TP53BP2: variants seen among roughly 807,000 people sequenced by gnomAD.
The protein encoded by TP53BP2 is apoptosis-stimulating of p53 protein 2.
TP53BP2 carries 62 observed loss-of-function variants against 126.2 expected under a neutral mutation model. The observed-to-expected ratio is 0.49, with a 90% CI of 0.40 to 0.61. The LOEUF (loss-of-function observed/expected upper bound fraction) is 0.61. Among genes scored for constraint, TP53BP2 ranks in the 20% least tolerant of loss-of-function variants. TP53BP2 has a pLI of 0.00. For synonymous variants in TP53BP2, 485 were observed against 502.9 expected (o/e 0.96, Z 0.48); for missense variants, 1,215 against 1,402.8 (o/e 0.87, Z 2.14).
At chr1:223,803,644 T>C (rs1463933651) in intron 6 of TP53BP2, among the ~76,000 whole-genome samples, 192 bp from the exon 7 acceptor site, 2 of 152,228 alleles carry the variant, frequency 1.3e-5, no homozygotes, top group South Asian at 2.1e-4. Context: ...TGTGCTTCAA[T>C]ATCAATGTAT....
chr1:223,840,568 T>A (rs1454967307), intron 1 of TP53BP2, among the ~76,000 whole-genome samples: 7 of 152,190 alleles, frequency 4.6e-5, no homozygotes, highest in African/African-American at 1.7e-4. Flanking sequence ...TAACATGAGC[T>A]TCAAGAATAC....
In TP53BP2 at chr1:223,831,477, AAAAATATATATATATATATAT is replaced by A. The variant is rs1367223728; in HGVS notation, c.28-10131_28-10111del. Among the ~76,000 whole-genome samples, 32 of 42,006 alleles carry A rather than the reference AAAAATATATATATATATATAT, an allele frequency of 7.6e-4. 1 individual carries two copies. In the South Asian group the frequency reaches 0.019, roughly 25 times the overall value. The allele number at this position is 42,006 out of a possible 152,430, so 27.6% of individuals were successfully genotyped here. On this transcript the variant is annotated intron_variant, in intron 1 of 17. Coordinates refer to ENST00000343537, the MANE Select transcript of TP53BP2 (RefSeq NM_001031685.3). ...ACATATGTACCATCTAAAAAAAAAA[AAAAATATATATATATATATAT>A]ATATATATATATATATATACTGACC...
Position 223,810,481 on chromosome 1 carries a change from T to C in TP53BP2, c.322A>G (p.Lys108Glu), listed in dbSNP as rs1156872238. 19 of 1,609,096 alleles carry C rather than the reference T, an allele frequency of 1.2e-5. No homozygotes were observed. Among genetic ancestry groups the C allele is most frequent in the East Asian group, 8.9e-5 (4 of 44,724 alleles). ...CCAGGAACTTTTACACCATTTCTTT[T>C]TAAACTTGGATCCTGAGATCTTGGT... ...SGPRSQDPSL[K>E]RNGVKVPGEY... Residue 108 changes from lysine to glutamate, a missense_variant, in exon 4 of 18, where the codon AAA (lysine) becomes GAA (glutamate). Lys to Glu is a moderately conservative substitution (Grantham distance 56). Transcript: ENST00000343537.
chr1:223,800,671 T>A (rs1172858382), intron 10 of TP53BP2, 29 bp downstream of exon 10: 1 of 1,517,436 alleles, frequency 6.6e-7, no homozygotes, highest in African/African-American at 1.4e-5. Flanking sequence ...CAAAATTTAA[T>A]GTTCAAGAGT....
intron 15 of TP53BP2, 85 bp downstream of exon 15, chr1:223,792,300 CTTCT>C (rs963759681): frequency 2.8e-6 from 4 of 1,435,366 alleles, no homozygotes; most frequent in South Asian, 2.7e-5. Context: ...AACTGACATA[CTTCT>C]TTGTCTTCCA....
intron 1 of TP53BP2, 121 bp downstream of exon 1, chr1:223,845,533 C>T (rs1664238693): frequency 3.6e-6 from 4 of 1,118,920 alleles, no homozygotes; most frequent in African/African-American, 3.3e-5. Flanking sequence ...AAGCCCCGGC[C>T]CCTCCGCGCG....
intron 2 of TP53BP2, among the ~76,000 whole-genome samples, chr1:223,816,515 A>G (rs1202055432): frequency 6.6e-6 from 1 of 152,228 alleles, no homozygotes; most frequent in African/African-American, 2.4e-5. Flanking sequence ...CAAAGAATAT[A>G]AAGAAACAAT....
intron 16 of TP53BP2, 131 bp downstream of exon 16, chr1:223,788,877 G>GT: frequency 1.2e-6 from 1 of 865,702 alleles, no homozygotes; most frequent in Non-Finnish European, 1.8e-6. Flanking sequence ...CAAGGCTGTT[G>GT]TATTTTCAAG....
Position 223,814,236 on chromosome 1 carries a change from C to T in TP53BP2, c.289+4G>A. 1 of 1,607,872 alleles carries T rather than the reference C, an allele frequency of 6.2e-7. No individual in the cohort carries two copies. Among genetic ancestry groups the T allele is most frequent in the Non-Finnish European group, 8.5e-7 (1 of 1,174,518 alleles). On this transcript the variant is annotated splice_donor_region_variant and intron_variant, in intron 3 of 17. Transcript: ENST00000343537. ...TCTGTCACGATTCACAGAGCACTAC[C>T]TACCAATGTCCCTGCCAGGGGGGCG... is the stretch of plus-strand genomic sequence containing the variant.
rs1662326627 is a variant in TP53BP2, at chr1:223,796,486, C to T, written c.2053G>A (p.Glu685Lys). Residue 685 changes from glutamate (E) to lysine (K), a missense_variant, in exon 13 of 18, where the codon GAG becomes AAG. Coordinates refer to ENST00000343537, the MANE Select transcript of TP53BP2 (RefSeq NM_001031685.3). This position sits in a 1 kb window ranked among gnomAD's most constrained non-coding sequence, Gnocchi z 4.2. ...GKPGSPEPET[E>K]PVSSVQENHE... ...TTCTCCTGAACTGAAGAAACAGGCT[C>T]TGTTTCAGGTTCTGGACTGCCAGGC... 6.2e-7 allele frequency: 1 copy of T among 1,614,124 alleles called. No homozygotes were observed. The highest frequency in any genetic ancestry group is 2.2e-5 in the East Asian group (1 of 44,882).
At chr1:223,809,026 C>T (rs148487580) in intron 4 of TP53BP2, among the ~76,000 whole-genome samples, 4 of 152,096 alleles carry the variant, frequency 2.6e-5, no homozygotes, top group Middle Eastern at 3.4e-3. Context: ...ATAATATGAT[C>T]GCTTTGGAAA....
chr1:223,784,425 GTTAGTAC>G (rs1661880918), intron 16 of TP53BP2, 111 bp from the exon 17 acceptor site: 1 of 927,154 alleles, frequency 1.1e-6, no homozygotes, highest in Admixed American at 2.1e-5. Flanking sequence ...AGGCTGGAAT[GTTAGTAC>G]TACATTAAAT....
At chr1:223,799,521 G>A (rs1662457071) in intron 11 of TP53BP2, among the ~76,000 whole-genome samples, 1 of 152,072 alleles carries the variant, frequency 6.6e-6, no homozygotes, top group Non-Finnish European at 1.5e-5. Context: ...ACCTAACTTG[G>A]AGCACTCACA....
chr1:223,803,877 T>C (rs1320977127), intron 6 of TP53BP2, among the ~76,000 whole-genome samples: 1 of 152,238 alleles, frequency 6.6e-6, no homozygotes, highest in Non-Finnish European at 1.5e-5. Context: ...TGCTACATTT[T>C]CCAAAGGTAT....
intron 1 of TP53BP2, among the ~76,000 whole-genome samples, chr1:223,827,473 C>G (rs1356301469): frequency 6.6e-6 from 1 of 152,128 alleles, no homozygotes; most frequent in Non-Finnish European, 1.5e-5. Context: ...AAGGGCCTGG[C>G]TGGAACAGGC....
chr1:223,782,587 ACT>A (rs1174775466), intron 17 of TP53BP2, among the ~76,000 whole-genome samples: 1 of 151,710 alleles, frequency 6.6e-6, no homozygotes, highest in Non-Finnish European at 1.5e-5. Context: ...GGCTCAACCG[ACT>A]CTCCTGCCTC....
At chr1:223,790,942 T>C (rs929729717) in intron 15 of TP53BP2, among the ~76,000 whole-genome samples, 4 of 152,140 alleles carry the variant, frequency 2.6e-5, no homozygotes, top group Admixed American at 6.6e-5. Context: ...AATATTACTA[T>C]AGATTTTTTC....
At chr1:223,784,360 G>A (rs1453631039) in intron 16 of TP53BP2, 46 bp from the exon 17 acceptor site, 1 of 1,578,168 alleles carries the variant, frequency 6.3e-7, no homozygotes, top group East Asian at 2.3e-5. Context: ...ACAACTTGGA[G>A]TATACCACTC....
intron 12 of TP53BP2, among the ~76,000 whole-genome samples, chr1:223,797,373 T>C (rs1662359911): frequency 6.6e-6 from 1 of 151,956 alleles, no homozygotes; most frequent in Admixed American, 6.6e-5. Flanking sequence ...ATGTCCCCAT[T>C]ACAATGACTT....
Sources: allele counts gnomAD v4.1 joint callset (sites outside exome capture counted in the v4.1 genomes callset), GRCh38; gene constraint gnomAD v4.1.1; non-coding constraint Gnocchi (gnomAD v3.1); transcripts MANE v1.5; gene names NCBI Gene and HGNC (gene_info 2026-07-23, HGNC 2026-07-21).